The following TMEM272 variants were observed in gnomAD, a reference collection of about 807,000 sequenced individuals.
TMEM272 encodes the protein transmembrane protein 272, also known as long intergenic non-protein coding RNA 282.
In TMEM272, 8 loss-of-function variants were observed where a neutral mutation model predicts 3.7. The observed-to-expected ratio is 2.17, with a 90% CI of 1.27 to 3.91. TMEM272 has a LOEUF of 3.91. Ranked by LOEUF, TMEM272 falls within the 30% of genes most tolerant of loss-of-function variation. TMEM272 has a pLI of 0.00. For synonymous variants in TMEM272, 63 were observed against 39.8 expected (o/e 1.58, Z -2.20); for missense variants, 166 against 91.5 (o/e 1.81, Z -3.32).
At chr13:51,846,645 G>A (rs1450934812), upstream of TMEM272, among the ~76,000 whole-genome samples, 1 of 152,200 alleles carries the variant, frequency 6.6e-6, no homozygotes, top group Non-Finnish European at 1.5e-5. Context: ...AGAAGGCATT[G>A]TTATCATAGG....
chr13:51,906,284 G>A, the TMEM272 span, among the ~76,000 whole-genome samples: 1 of 152,180 alleles, frequency 6.6e-6, no homozygotes, highest in African/African-American at 2.4e-5. Context: ...ATGGGGGAGA[G>A]AAGGGATTCA....
the TMEM272 span, chr13:51,910,758 C>G: frequency 1.7e-5 from 6 of 359,028 alleles, no homozygotes; most frequent in Non-Finnish European, 3.3e-5. Flanking sequence ...GCGGAGTCAG[C>G]TGCGGGGGAA....
chr13:51,892,877 C>T, the TMEM272 span, among the ~76,000 whole-genome samples: 1 of 152,192 alleles, frequency 6.6e-6, no homozygotes, highest in South Asian at 2.1e-4. Flanking sequence ...CTCACCCTCC[C>T]CTGGTTTTAT....
At chr13:51,909,951 T>G in the TMEM272 span, 1 of 1,596,304 alleles carries the variant, frequency 6.3e-7, no homozygotes, top group Non-Finnish European at 8.6e-7. Flanking sequence ...TTGCAAAAGC[T>G]GTTTCTGGCT....
chr13:51,873,608 TG>T, the TMEM272 span, among the ~76,000 whole-genome samples: 68 of 152,344 alleles, frequency 4.5e-4, 2 homozygotes, highest in South Asian at 0.014. Flanking sequence ...CTCACTTCCC[TG>T]CAGTGTCTAA....
the TMEM272 span, among the ~76,000 whole-genome samples, chr13:51,899,226 T>A: frequency 6.6e-6 from 1 of 152,094 alleles, no homozygotes; most frequent in Non-Finnish European, 1.5e-5. Context: ...CGATGAATAA[T>A]CTGAAGATGA....
chr13:51,874,411 T>G, the TMEM272 span, among the ~76,000 whole-genome samples: 1 of 152,214 alleles, frequency 6.6e-6, no homozygotes, highest in Non-Finnish European at 1.5e-5. Flanking sequence ...TTATCCTCAG[T>G]GCCTAGCAAA....
chr13:51,854,135 C>A, the TMEM272 span, among the ~76,000 whole-genome samples: 3 of 152,094 alleles, frequency 2.0e-5, no homozygotes, highest in African/African-American at 7.2e-5. Flanking sequence ...GAAAGTATAT[C>A]CTTTTCAATC....
At chr13:51,858,033 A>C in the TMEM272 span, among the ~76,000 whole-genome samples, 141,919 of 152,238 alleles carry the variant, frequency 0.93, 66,400 homozygotes, top group East Asian at 1. Context: ...ATAAAAATCA[A>C]AGTGTCAATA....
the TMEM272 span, among the ~76,000 whole-genome samples, chr13:51,870,733 A>G: frequency 6.6e-6 from 1 of 152,214 alleles, no homozygotes; most frequent in East Asian, 1.9e-4. Flanking sequence ...AACTTATACT[A>G]CAGAGCCACC....
intron 1 of TMEM272, among the ~76,000 whole-genome samples, chr13:51,839,381 G>A (rs1489090339): frequency 6.6e-6 from 1 of 152,186 alleles, no homozygotes; most frequent in East Asian, 1.9e-4. Flanking sequence ...CTGAGGCTGG[G>A]TGTGCGTAGT....
intron 2 of TMEM272, among the ~76,000 whole-genome samples, chr13:51,834,884 C>T (rs1313547375): frequency 6.6e-6 from 1 of 152,206 alleles, no homozygotes; most frequent in Non-Finnish European, 1.5e-5. Context: ...CACTGCTGCC[C>T]AGGGATGAAA....
chr13:51,830,462 G>T (rs969989263), intron 2 of TMEM272, among the ~76,000 whole-genome samples: 3 of 152,148 alleles, frequency 2.0e-5, no homozygotes, highest in African/African-American at 7.2e-5. Context: ...AACCTCTGAG[G>T]TTTCAATGTC....
the TMEM272 span, among the ~76,000 whole-genome samples, chr13:51,856,313 T>C: frequency 6.6e-6 from 1 of 152,194 alleles, no homozygotes. Flanking sequence ...AAGTCATAAA[T>C]CCTGTGGCCT....
chr13:51,920,118 G>A, the TMEM272 span, among the ~76,000 whole-genome samples: 1 of 152,200 alleles, frequency 6.6e-6, no homozygotes, highest in Non-Finnish European at 1.5e-5. Flanking sequence ...TGCAACCAAA[G>A]AACATACTCT....
chr13:51,919,583 A>G, the TMEM272 span, among the ~76,000 whole-genome samples: 1 of 152,104 alleles, frequency 6.6e-6, no homozygotes, highest in Non-Finnish European at 1.5e-5. Context: ...TTTTCACTCA[A>G]CACTGTGTTT....
chr13:51,872,229 C>T, the TMEM272 span, among the ~76,000 whole-genome samples: 24 of 152,144 alleles, frequency 1.6e-4, no homozygotes, highest in East Asian at 4.2e-3. Context: ...AAAGATATTG[C>T]ATCACTGAAA....
At chr13:51,877,774 G>C in the TMEM272 span, among the ~76,000 whole-genome samples, 1 of 152,146 alleles carries the variant, frequency 6.6e-6, no homozygotes, top group Admixed American at 6.5e-5. Flanking sequence ...TACTACTTAA[G>C]TACCGATGTA....
chr13:51,885,954 T>G, the TMEM272 span, among the ~76,000 whole-genome samples: 8 of 152,228 alleles, frequency 5.3e-5, no homozygotes, highest in African/African-American at 9.6e-5. Flanking sequence ...GCCAGCCTTA[T>G]GCTCCAAACA....
Sources: gnomAD v4.1 joint callset for allele counts (sites outside exome capture counted in the v4.1 genomes callset) on GRCh38, gnomAD v4.1.1 for gene constraint, MANE v1.5 for transcripts, NCBI Gene and HGNC (gene_info 2026-07-23, HGNC 2026-07-21) for gene names.